Variants in ZNF385D observed in about 807,000 individuals in gnomAD.
The protein encoded by ZNF385D is zinc finger protein 385D, also known as zinc finger protein 659.
A neutral mutation model predicts 35.8 loss-of-function variants in ZNF385D; 15 were observed. The ratio of observed to expected loss-of-function variants is 0.42; its 90% CI spans 0.28 to 0.64. The LOEUF is 0.64. Ranked by LOEUF, ZNF385D falls within the 30% of genes least tolerant of loss-of-function variation. The pLI is 0.23. For synonymous variants in ZNF385D, 212 were observed against 186.8 expected (o/e 1.13, Z -1.10); for missense variants, 474 against 494.6 (o/e 0.96, Z 0.39).
At chr3:21,716,771 GA>G (rs1478840692) in intron 1 of ZNF385D, among the ~76,000 whole-genome samples, 7 of 152,120 alleles carry the variant, frequency 4.6e-5, no homozygotes, top group African/African-American at 1.4e-4. Context: ...TATCAGGTTA[GA>G]ATTTTTGTTG....
At chr3:22,251,706 C>T (rs142977698) in intron 2 of ZNF385D, among the ~76,000 whole-genome samples, 71 of 152,152 alleles carry the variant, frequency 4.7e-4, no homozygotes, top group African/African-American at 1.7e-3. Flanking sequence ...CAGGTAAAAT[C>T]ACCCCCTCAT....
At chr3:22,145,885 A>G (rs1327999993) in intron 3 of ZNF385D, among the ~76,000 whole-genome samples, 1 of 152,176 alleles carries the variant, frequency 6.6e-6, no homozygotes, top group Non-Finnish European at 1.5e-5. Context: ...CAAACCTCCA[A>G]GTAGTTGGAA....
At chr3:21,456,372 G>A (rs901757057) in intron 4 of ZNF385D, among the ~76,000 whole-genome samples, 3 of 152,158 alleles carry the variant, frequency 2.0e-5, no homozygotes, top group Non-Finnish European at 4.4e-5. Flanking sequence ...TTAAGAAAAC[G>A]TGGCACATAT....
At chr3:21,734,154 A>T (rs2069137246) in intron 1 of ZNF385D, among the ~76,000 whole-genome samples, 1 of 152,164 alleles carries the variant, frequency 6.6e-6, no homozygotes, top group South Asian at 2.1e-4. Flanking sequence ...CTTATACATT[A>T]ACTTATAGAG....
At chr3:22,085,936 ACAAC>A (rs1559357625) in intron 3 of ZNF385D, among the ~76,000 whole-genome samples, 1 of 152,216 alleles carries the variant, frequency 6.6e-6, no homozygotes, top group Non-Finnish European at 1.5e-5. Flanking sequence ...TCACATAAAC[ACAAC>A]CAATGATAGA....
At chr3:21,993,217 T>C (rs71312018) in intron 3 of ZNF385D, among the ~76,000 whole-genome samples, 1 of 152,136 alleles carries the variant, frequency 6.6e-6, no homozygotes, top group Non-Finnish European at 1.5e-5. Context: ...TCGGCCTCCT[T>C]CTTGCATGCA....
At chr3:21,770,982 T>C (rs2125611136) in intron 3 of ZNF385D, among the ~76,000 whole-genome samples, 3 of 149,566 alleles carry the variant, frequency 2.0e-5, no homozygotes, top group South Asian at 2.1e-4. Context: ...AGCAAACTGT[T>C]GCAAGGACAA....
At chr3:22,327,337 T>C (rs1003907759) in intron 2 of ZNF385D, among the ~76,000 whole-genome samples, 1 of 151,904 alleles carries the variant, frequency 6.6e-6, no homozygotes, top group Admixed American at 6.6e-5. Context: ...GTAAATTTTC[T>C]AAATTAAACT....
At chr3:21,624,331 A>AG (rs1236532233) in intron 2 of ZNF385D, among the ~76,000 whole-genome samples, 1 of 152,006 alleles carries the variant, frequency 6.6e-6, no homozygotes, top group Non-Finnish European at 1.5e-5. Flanking sequence ...TCTGCTTTTC[A>AG]GGGGGTGACC....
intron 2 of ZNF385D, among the ~76,000 whole-genome samples, chr3:22,313,359 C>A (rs1185961457): frequency 1.3e-5 from 2 of 151,702 alleles, no homozygotes; most frequent in Admixed American, 1.3e-4. Flanking sequence ...TGTAACAAAC[C>A]TGCACGTTGT....
chr3:22,303,485 T>G (rs543807276), intron 2 of ZNF385D, among the ~76,000 whole-genome samples: 1 of 152,286 alleles, frequency 6.6e-6, no homozygotes, highest in African/African-American at 2.4e-5. Flanking sequence ...CTTGCCTCCT[T>G]TCTTTTTAGT....
intron 3 of ZNF385D, among the ~76,000 whole-genome samples, chr3:21,871,074 G>C (rs558912324): frequency 2.0e-4 from 30 of 152,270 alleles, no homozygotes; most frequent in African/African-American, 7.2e-4. Context: ...TCTGCCTGAA[G>C]ACTCTCCCCA....
intron 3 of ZNF385D, among the ~76,000 whole-genome samples, chr3:21,521,725 G>A (rs145700048): frequency 1.3e-5 from 2 of 152,208 alleles, no homozygotes; most frequent in African/African-American, 2.4e-5. Context: ...CCTAGTCAAC[G>A]GAGTGAGATA....
chr3:21,540,028 T>C (rs2062134165), intron 3 of ZNF385D, among the ~76,000 whole-genome samples: 1 of 152,102 alleles, frequency 6.6e-6, no homozygotes, highest in Non-Finnish European at 1.5e-5. Context: ...CCATTAAAAA[T>C]AAACAAAATT....
chr3:22,176,211 G>A (rs1216130844), intron 2 of ZNF385D, among the ~76,000 whole-genome samples: 3 of 151,988 alleles, frequency 2.0e-5, no homozygotes, highest in Non-Finnish European at 2.9e-5. Context: ...GTGTGTGTGT[G>A]TACAGCACAG....
At chr3:22,204,396 C>G (rs1049738169) in intron 2 of ZNF385D, among the ~76,000 whole-genome samples, 3 of 151,952 alleles carry the variant, frequency 2.0e-5, no homozygotes, top group Admixed American at 6.6e-5. Context: ...AGAATGGAAA[C>G]AAACAATCCC....
intron 2 of ZNF385D, among the ~76,000 whole-genome samples, chr3:22,274,379 A>G (rs1261439147): frequency 6.6e-6 from 1 of 152,046 alleles, no homozygotes; most frequent in Non-Finnish European, 1.5e-5. Flanking sequence ...TATATGGATG[A>G]CAAATTAATG....
exon 2 of ZNF385D, chr3:22,372,476 C>A: frequency 1.0e-6 from 1 of 985,876 alleles, no homozygotes; most frequent in Non-Finnish European, 1.2e-6. Flanking sequence ...TTTCGGCGCC[C>A]CCAGGAGCTT....
intron 4 of ZNF385D, among the ~76,000 whole-genome samples, chr3:21,482,725 G>C (rs1201097027): frequency 1.3e-5 from 2 of 152,102 alleles, no homozygotes; most frequent in African/African-American, 4.8e-5. Flanking sequence ...ATAAACTCTT[G>C]CATGAGTACC....
Sources: allele counts gnomAD v4.1 joint callset (sites outside exome capture counted in the v4.1 genomes callset), GRCh38; gene constraint gnomAD v4.1.1; transcripts MANE v1.5; gene names NCBI Gene and HGNC (gene_info 2026-07-23, HGNC 2026-07-21).